Variants in LRBA observed in about 807,000 individuals in gnomAD.
The protein encoded by LRBA is lipopolysaccharide-responsive and beige-like anchor protein.
A neutral mutation model predicts 330.0 loss-of-function variants in LRBA; 176 were observed. That is an observed-to-expected ratio of 0.53 (90% CI 0.47 to 0.60). The LOEUF is 0.60. Among genes scored for constraint, LRBA ranks in the 20% least tolerant of loss-of-function variants. The probability of loss-of-function intolerance (pLI) is 0.00; values close to 1 mark genes in which losing one functional copy is unlikely to be tolerated. For synonymous variants in LRBA, 1,230 were observed against 1,193.0 expected, an observed-to-expected ratio of 1.03 and a Z score of -0.64; for missense variants, 3,259 against 3,444.8, an observed-to-expected ratio of 0.95 and a Z score of 1.35.
chr4:150,526,623 T>C (rs1405511047), intron 40 of LRBA, among the ~76,000 whole-genome samples: 1 of 152,172 alleles, frequency 6.6e-6, no homozygotes, highest in Non-Finnish European at 1.5e-5. Flanking sequence ...ACTAGTATAA[T>C]GAAACCTTTA....
chr4:150,548,018 C>T (rs1311805037), intron 40 of LRBA, among the ~76,000 whole-genome samples: 3 of 152,112 alleles, frequency 2.0e-5, no homozygotes, highest in Non-Finnish European at 4.4e-5. Context: ...ATTTTCTCTA[C>T]ATACATATTT....
chr4:150,531,850 T>A (rs977196613), intron 40 of LRBA, among the ~76,000 whole-genome samples: 6 of 152,182 alleles, frequency 3.9e-5, no homozygotes, highest in African/African-American at 1.4e-4. Context: ...ACACAGGACA[T>A]GGAATCAAAA....
intron 47 of LRBA, among the ~76,000 whole-genome samples, chr4:150,388,937 C>T (rs11933088): frequency 3.9e-5 from 6 of 152,008 alleles, no homozygotes; most frequent in Non-Finnish European, 8.8e-5. Context: ...ATGGACCATG[C>T]AGGTTTCCAT....
At chr4:150,469,184 C>A (rs538992365) in intron 43 of LRBA, among the ~76,000 whole-genome samples, 1 of 152,108 alleles carries the variant, frequency 6.6e-6, no homozygotes, top group South Asian at 2.1e-4. Context: ...AGTGATTAGA[C>A]TTAATTAAGT....
chr4:150,471,748 A>C lies in LRBA; in HGVS notation c.6552-9T>G, dbSNP rs762821004. 1.0e-5 allele frequency: 12 copies of C among 1,200,824 alleles called. No individual in the cohort carries two copies. Among genetic ancestry groups the C allele is most frequent in the Non-Finnish European group, 1.5e-5 (12 of 814,394 alleles). The allele number at this position is 1,200,824 out of a possible 1,614,324, so 74.4% of individuals were successfully genotyped here. On this transcript the variant is annotated splice_polypyrimidine_tract_variant and intron_variant, in intron 42 of 56. Coordinates refer to ENST00000651943, the MANE Select transcript of LRBA (RefSeq NM_001364905.1). ...TAGCTAATGAAATACGTCTGCAAGA[A>C]AAAGAATTCAATGTGATATGATTAA...
At chr4:150,962,912 C>T (rs1272046267) in intron 2 of LRBA, among the ~76,000 whole-genome samples, 1 of 147,622 alleles carries the variant, frequency 6.8e-6, no homozygotes, top group Non-Finnish European at 1.5e-5. Context: ...CGATATCACA[C>T]CACTGCACTC....
chr4:150,618,848 G>GTATATATATATA (rs34589903), intron 37 of LRBA, among the ~76,000 whole-genome samples: 69 of 146,260 alleles, frequency 4.7e-4, no homozygotes, highest in African/African-American at 1.4e-3. Flanking sequence ...ATGTGTGTAT[G>GTATATATATATA]TATATATATA....
intron 48 of LRBA, among the ~76,000 whole-genome samples, chr4:150,349,369 G>C (rs987768991): frequency 1.3e-5 from 2 of 152,098 alleles, no homozygotes; most frequent in South Asian, 4.1e-4. Context: ...TTTTTCATAT[G>C]AAGTATATTG....
chr4:150,828,624 A>G lies in LRBA; in HGVS notation c.4730-3T>C. The G allele has an allele frequency of 6.2e-7, 1 of 1,608,326 alleles. No homozygotes were observed. Among genetic ancestry groups the G allele is most frequent in the Non-Finnish European group, 8.5e-7 (1 of 1,177,168 alleles). On this transcript the variant is annotated splice_polypyrimidine_tract_variant and splice_region_variant and intron_variant, in intron 29 of 56. Coordinates refer to ENST00000651943, the MANE Select transcript of LRBA (RefSeq NM_001364905.1). Reference sequence around the variant, plus strand: ...GCTGAATGCTGCTGGTGTGATTTCTATATCATACCCAGAAACACAAGAAAT... The same window carrying G: ...GCTGAATGCTGCTGGTGTGATTTCTGTATCATACCCAGAAACACAAGAAAT...
chr4:150,783,793 T>C (rs1326635296), intron 34 of LRBA, among the ~76,000 whole-genome samples: 2 of 152,238 alleles, frequency 1.3e-5, no homozygotes, highest in East Asian at 3.8e-4. Flanking sequence ...TTAACACATA[T>C]GTCTCATATA....
chr4:150,727,006 A>C (rs945012782), intron 36 of LRBA, among the ~76,000 whole-genome samples: 1 of 148,544 alleles, frequency 6.7e-6, no homozygotes, highest in African/African-American at 2.4e-5. Flanking sequence ...AAAAAGAAAC[A>C]GCAGACTTCA....
In LRBA at chr4:151,009,031, T is replaced by C. The variant is rs867591833; in HGVS notation, c.216+5396A>G. Among the ~76,000 whole-genome samples the C allele has an allele frequency of 4.9e-3, 420 of 85,300 alleles. 5 individuals carry two copies. The highest frequency in any genetic ancestry group is 6.6e-3 in the Non-Finnish European group (308 of 46,850). The allele number at this position is 85,300 out of a possible 152,430, so 56.0% of individuals were successfully genotyped here. ...TATATATATATATATATATATAAAA[T>C]GGTATTTTTTTTTCTTATACAGACA... On this transcript the variant is annotated intron_variant, in intron 2 of 56. Coordinates refer to ENST00000651943, the MANE Select transcript of LRBA (RefSeq NM_001364905.1).
chr4:150,892,488 AG>A (rs1198817869), intron 17 of LRBA, among the ~76,000 whole-genome samples: 1 of 152,228 alleles, frequency 6.6e-6, no homozygotes, highest in African/African-American at 2.4e-5. Context: ...AGCAAGGAAG[AG>A]GATGTAGGCA....
At chr4:150,825,398 C>T (rs963451578) in intron 30 of LRBA, among the ~76,000 whole-genome samples, 1 of 151,996 alleles carries the variant, frequency 6.6e-6, no homozygotes, top group African/African-American at 2.4e-5. Flanking sequence ...AGGAGTTTTG[C>T]TCTTGTTGCC....
In LRBA at chr4:150,828,382, C is replaced by A. The variant is rs1229619071; in HGVS notation, c.4969G>T (p.Asp1657Tyr). 1 of 1,614,092 alleles carries A rather than the reference C, an allele frequency of 6.2e-7. No homozygotes were observed. The highest frequency in any genetic ancestry group is 8.5e-7 in the Non-Finnish European group (1 of 1,180,000). Residue 1657 changes from aspartate (D) to tyrosine (Y), a missense_variant, in exon 30 of 57, where the codon GAT becomes TAT. By Grantham distance (160) the Asp-to-Tyr change is radical. Transcript: ENST00000651943. ...TTAGTGTCCAAGTCATTTCCTCTAT[C>A]ATTTTTGGTTTCCGGAGACTTATTG... Reference protein sequence around the residue: ...EVNKSPETKNDRGNDLDTKAT... With the variant: ...EVNKSPETKNYRGNDLDTKAT...
chr4:150,361,424 G>A (rs1287037164), intron 47 of LRBA, among the ~76,000 whole-genome samples: 1 of 152,170 alleles, frequency 6.6e-6, no homozygotes. Context: ...TTCTGTTACA[G>A]GCACACCACT....
chr4:151,001,507 C>T (rs1743325137), intron 2 of LRBA, among the ~76,000 whole-genome samples: 1 of 152,102 alleles, frequency 6.6e-6, no homozygotes, highest in South Asian at 2.1e-4. Flanking sequence ...CTACCATTGG[C>T]ACCTGAACAC....
At chr4:150,883,900 TA>T (rs1267908584) in intron 17 of LRBA, among the ~76,000 whole-genome samples, 16 of 151,922 alleles carry the variant, frequency 1.1e-4, no homozygotes, top group Non-Finnish European at 2.9e-5. Flanking sequence ...AAAAGCAAAA[TA>T]GGGGGAATAA....
intron 31 of LRBA, among the ~76,000 whole-genome samples, chr4:150,816,215 C>G (rs1744572072): frequency 6.6e-6 from 1 of 151,938 alleles, no homozygotes; most frequent in South Asian, 2.1e-4. Context: ...TATTTCTGAT[C>G]TCAATATAAT....
Sources: gnomAD v4.1 joint callset for allele counts (sites outside exome capture counted in the v4.1 genomes callset) on GRCh38, gnomAD v4.1.1 for gene constraint, MANE v1.5 for transcripts, NCBI Gene and HGNC (gene_info 2026-07-23, HGNC 2026-07-21) for gene names.